SYN2: variants seen among roughly 807,000 people sequenced by gnomAD.
The protein encoded by SYN2 is synapsin-2.
A neutral mutation model predicts 50.9 loss-of-function variants in SYN2; 19 were observed. That is an observed-to-expected ratio of 0.37 (90% CI 0.26 to 0.55). The LOEUF is 0.55. SYN2 is among the 20% of genes least tolerant of loss of function. The pLI is 0.81. For synonymous variants in SYN2, 255 were observed against 224.9 expected (o/e 1.13, Z -1.20); for missense variants, 587 against 576.4 (o/e 1.02, Z -0.19).
chr3:12,187,639 C>T (rs1294723129), intron 12 of SYN2, 27 bp downstream of exon 12: 3 of 1,518,310 alleles, frequency 2.0e-6, no homozygotes, highest in Admixed American at 4.1e-5. Flanking sequence ...CAGCTCCTCC[C>T]TCCCCTCCTC....
chr3:12,121,092 C>T (rs1413224007), intron 1 of SYN2, among the ~76,000 whole-genome samples: 1 of 152,202 alleles, frequency 6.6e-6, no homozygotes, highest in Non-Finnish European at 1.5e-5. Flanking sequence ...CCAGAATTCC[C>T]TCTCCTAACC....
chr3:12,174,638 C>T (rs1386972766), intron 10 of SYN2, among the ~76,000 whole-genome samples: 1 of 152,132 alleles, frequency 6.6e-6, no homozygotes, highest in Admixed American at 6.5e-5. Context: ...CGCGCCACCA[C>T]GCCCGGCTAA....
intron 1 of SYN2, among the ~76,000 whole-genome samples, chr3:12,085,977 A>C (rs764290640): frequency 6.6e-6 from 1 of 152,158 alleles, no homozygotes; most frequent in Non-Finnish European, 1.5e-5. Context: ...TTTTGAAAAG[A>C]TAAACAATAT....
At chr3:12,156,130 C>T (rs1697449350) in intron 5 of SYN2, among the ~76,000 whole-genome samples, 1 of 152,164 alleles carries the variant, frequency 6.6e-6, no homozygotes, top group Non-Finnish European at 1.5e-5. Context: ...GTGGATAGAT[C>T]GTGGAATCCC....
At chr3:12,046,865 C>A (rs1461768540) in intron 1 of SYN2, among the ~76,000 whole-genome samples, 1 of 151,988 alleles carries the variant, frequency 6.6e-6, no homozygotes, top group African/African-American at 2.4e-5. Context: ...TTTACTGATA[C>A]GAGGAACATT....
At chr3:12,041,581 C>CA (rs1330568177) in intron 1 of SYN2, among the ~76,000 whole-genome samples, 1 of 152,196 alleles carries the variant, frequency 6.6e-6, no homozygotes, top group Non-Finnish European at 1.5e-5. Flanking sequence ...ATGATTTTAG[C>CA]AACCAGTGAA....
chr3:12,013,054 A>G (rs577458664), intron 1 of SYN2, among the ~76,000 whole-genome samples: 1 of 152,308 alleles, frequency 6.6e-6, no homozygotes, highest in South Asian at 2.1e-4. Flanking sequence ...TCAAATGTTC[A>G]CTGATGTGTT....
chr3:12,140,381 C>T (rs559208106), intron 1 of SYN2, among the ~76,000 whole-genome samples: 4 of 152,024 alleles, frequency 2.6e-5, no homozygotes, highest in African/African-American at 4.8e-5. Context: ...TTTCTAGATG[C>T]GTTTTATAGC....
At position 12,064,376 on chromosome 3, in the gene SYN2, CAAAG is replaced by C. The variant is rs142724006; in HGVS notation, c.377+59452_377+59455del. Among the ~76,000 whole-genome samples the C allele has an allele frequency of 3.0e-3, 455 of 151,496 alleles. 2 individuals are homozygous for C. Among genetic ancestry groups the C allele is most frequent in the African/African-American group, 0.01 (426 of 41,056 alleles). ...AAATCTACACTTAAAAACAAACAAA[CAAAG>C]AAAATATAAATAAATTGAACTTCAT... On this transcript the variant is annotated intron_variant, in intron 1 of 12. Transcript: ENST00000621198.
intron 1 of SYN2, among the ~76,000 whole-genome samples, chr3:12,053,831 C>T (rs1356218212): frequency 2.0e-5 from 3 of 151,880 alleles, no homozygotes; most frequent in Admixed American, 6.6e-5. Context: ...TTGTAAACCT[C>T]GAATAATTAA....
intron 1 of SYN2, among the ~76,000 whole-genome samples, chr3:12,017,312 T>C (rs1469642833): frequency 6.6e-6 from 1 of 152,202 alleles, no homozygotes; most frequent in African/African-American, 2.4e-5. Flanking sequence ...AGTAGATGTA[T>C]TAACTCATTT....
At chr3:12,008,775 G>T (rs896024032) in intron 1 of SYN2, among the ~76,000 whole-genome samples, 2 of 152,212 alleles carry the variant, frequency 1.3e-5, no homozygotes, top group African/African-American at 4.8e-5. Context: ...GGAATGGAAG[G>T]TTTCTCGGAA....
At position 12,051,005 on chromosome 3, in the gene SYN2, G is replaced by C. The variant is rs1029471812; in HGVS notation, c.377+46077G>C. On this transcript the variant is annotated intron_variant, in intron 1 of 12. Transcript: ENST00000621198. ...CCGCCTCGGCCTCCCAAAGTGCTGG[G>C]ATTACAGGCGTGAGCCACCGCGCCC... Among the ~76,000 whole-genome samples the C allele has an allele frequency of 6.6e-5, 10 of 151,914 alleles. No homozygotes were observed. The South Asian group carries it at 2.1e-3, about 32-fold the overall frequency.
At chr3:12,028,182 A>T (rs1396339617) in intron 1 of SYN2, among the ~76,000 whole-genome samples, 1 of 151,520 alleles carries the variant, frequency 6.6e-6, no homozygotes, top group Non-Finnish European at 1.5e-5. Context: ...AATTTCATCC[A>T]TGTCCCTACA....
At chr3:12,065,491 A>G (rs1012928821) in intron 1 of SYN2, among the ~76,000 whole-genome samples, 3 of 152,256 alleles carry the variant, frequency 2.0e-5, no homozygotes, top group African/African-American at 7.2e-5. Context: ...AAGGTGGTAC[A>G]TATATACTAT....
At chr3:12,073,155 C>T (rs894459871) in intron 1 of SYN2, among the ~76,000 whole-genome samples, 1 of 152,118 alleles carries the variant, frequency 6.6e-6, no homozygotes, top group Non-Finnish European at 1.5e-5. Context: ...TAAGTTTTCC[C>T]TTAGTTCTAC....
At chr3:12,176,316 T>C (rs1391149878) in intron 10 of SYN2, among the ~76,000 whole-genome samples, 1 of 152,216 alleles carries the variant, frequency 6.6e-6, no homozygotes, top group East Asian at 1.9e-4. Flanking sequence ...GGCTAATGTT[T>C]TTTTCATTTC....
intron 1 of SYN2, among the ~76,000 whole-genome samples, chr3:12,027,997 A>AT (rs1694300099): frequency 1.7e-5 from 2 of 117,518 alleles, no homozygotes; most frequent in African/African-American, 6.8e-5. Context: ...TTATTTTTTT[A>AT]TTTTTTTATT....
chr3:12,134,491 C>T (rs982385534), intron 1 of SYN2, among the ~76,000 whole-genome samples: 1 of 152,222 alleles, frequency 6.6e-6, no homozygotes, highest in African/African-American at 2.4e-5. Context: ...CATTTCAATT[C>T]TGCATCTTCC....
Sources: gnomAD v4.1 joint callset for allele counts (sites outside exome capture counted in the v4.1 genomes callset) on GRCh38, gnomAD v4.1.1 for gene constraint, MANE v1.5 for transcripts, NCBI Gene and HGNC (gene_info 2026-07-23, HGNC 2026-07-21) for gene names.